The following FAT3 variants were observed in gnomAD, a reference collection of about 807,000 sequenced individuals.
FAT3 encodes FAT atypical cadherin 3, also known as protocadherin Fat 3.
Under a neutral mutation model 310.2 loss-of-function variants are expected in FAT3, and 95 were observed. That is an observed-to-expected ratio of 0.31 (90% CI 0.26 to 0.36). The LOEUF (loss-of-function observed/expected upper bound fraction) is 0.36. Among genes scored for constraint, FAT3 ranks in the 10% least tolerant of loss-of-function variants. The probability of loss-of-function intolerance (pLI) is 1.00; values close to 1 mark genes in which losing one functional copy is unlikely to be tolerated. For missense variants in FAT3, 5,408 were observed against 5,715.6 expected (o/e 0.95, Z 1.74); for synonymous variants, 2,314 against 2,192.9 (o/e 1.06, Z -1.54).
At chr11:92,805,091 A>T (rs1591759048) in intron 10 of FAT3, 62 bp from the exon 11 acceptor site, 1 of 1,527,210 alleles carries the variant, frequency 6.5e-7, no homozygotes, top group Non-Finnish European at 8.9e-7. Context: ...CTCTCAAGGT[A>T]GATGTAGATT....
At chr11:92,420,481 A>C (rs944227393) in intron 2 of FAT3, among the ~76,000 whole-genome samples, 11 of 152,144 alleles carry the variant, frequency 7.2e-5, no homozygotes, top group Admixed American at 6.6e-4. Flanking sequence ...CTCCCACTCA[A>C]CTTAGTATCG....
At position 92,764,887 on chromosome 11, in the gene FAT3, A is replaced by C; in HGVS notation, c.3993A>C (p.Ala1331=). Residue 1331 remains alanine, a synonymous_variant, in exon 6 of 28, where the codon GCA becomes GCC. Coordinates refer to ENST00000525166, the MANE Select transcript of FAT3 (RefSeq NM_001367949.2). The part of the protein sequence containing the change: ...AGSYDILTIK[A]VDNGRPQKSS... Reference sequence around the variant, plus strand: ...TCTCCCTGTGTGAGTAGATAAAGGCAGTGGACAATGGGCGCCCACAGAAAT... The same window carrying C: ...TCTCCCTGTGTGAGTAGATAAAGGCCGTGGACAATGGGCGCCCACAGAAAT... The C allele has an allele frequency of 1.9e-6, 3 of 1,613,586 alleles. No individual in the cohort carries two copies. Among genetic ancestry groups the C allele is most frequent in the Non-Finnish European group, 2.5e-6 (3 of 1,179,634 alleles).
At chr11:92,862,202 A>G (rs2136334317) in intron 21 of FAT3, among the ~76,000 whole-genome samples, 1 of 152,342 alleles carries the variant, frequency 6.6e-6, no homozygotes, top group East Asian at 1.9e-4. Flanking sequence ...GAGGTGAACT[A>G]CTTCAGTAGA....
chr11:92,883,481 G>T lies in FAT3; in HGVS notation c.12937+88G>T. On this transcript the variant is annotated intron_variant, in intron 24 of 27. Transcript: ENST00000525166. This position sits in a 1 kb window ranked among gnomAD's most constrained non-coding sequence, Gnocchi z 4.2. ...CGAGGACGCTACGGGAAGGGAGAGA[G>T]ACCCCGCATGCAGAGCATTCGCTAT... The T allele has an allele frequency of 6.8e-7, 1 of 1,465,000 alleles. No homozygotes were observed. Among genetic ancestry groups the T allele is most frequent in the East Asian group, 2.4e-5 (1 of 42,084 alleles). The allele number at this position is 1,465,000 out of a possible 1,614,324, so 90.8% of individuals were successfully genotyped here. A position where few individuals can be genotyped will look rare whatever the true frequency, so the allele number is the denominator to read the frequency against.
chr11:92,518,728 T>A (rs1461635926), intron 2 of FAT3, among the ~76,000 whole-genome samples: 1 of 152,018 alleles, frequency 6.6e-6, no homozygotes, highest in African/African-American at 2.4e-5. Context: ...AAGATTAACA[T>A]ACAAAAATCA....
At chr11:92,433,678 G>A (rs146625097) in intron 2 of FAT3, among the ~76,000 whole-genome samples, 4,651 of 152,092 alleles carry the variant, frequency 0.031, 250 homozygotes, top group African/African-American at 0.1. Context: ...GTTCTTATTC[G>A]GCCATCTTGC....
At chr11:92,427,558 A>G (rs577423398) in intron 2 of FAT3, among the ~76,000 whole-genome samples, 1 of 152,218 alleles carries the variant, frequency 6.6e-6, no homozygotes, top group African/African-American at 2.4e-5. Context: ...TACCTAGTCT[A>G]TTGAGAGTTT....
At chr11:92,226,547 A>G (rs1297336438) in intron 1 of FAT3, among the ~76,000 whole-genome samples, 1 of 151,482 alleles carries the variant, frequency 6.6e-6, no homozygotes, top group African/African-American at 2.4e-5. Context: ...TGACATCCTG[A>G]GGCTGCAGCT....
chr11:92,589,079 A>G (rs1258068029), intron 3 of FAT3, among the ~76,000 whole-genome samples: 1 of 152,008 alleles, frequency 6.6e-6, no homozygotes. Context: ...GAGCCCCACT[A>G]TCTCACTGGG....
chr11:92,400,138 T>G (rs957488283), intron 2 of FAT3: 2 of 152,198 alleles, frequency 1.3e-5, no homozygotes, highest in Non-Finnish European at 2.9e-5. Flanking sequence ...CCTGTGTTAG[T>G]ATTTTTATCT....
At chr11:92,720,354 A>G (rs1944826301) in intron 4 of FAT3, among the ~76,000 whole-genome samples, 1 of 152,216 alleles carries the variant, frequency 6.6e-6, no homozygotes, top group Non-Finnish European at 1.5e-5. Context: ...AGTCATTGCT[A>G]ATACCATTGC....
At chr11:92,770,973 C>T (rs1946441823) in intron 6 of FAT3, among the ~76,000 whole-genome samples, 2 of 152,182 alleles carry the variant, frequency 1.3e-5, no homozygotes, top group African/African-American at 4.8e-5. Flanking sequence ...CTCTATTACA[C>T]CTGTCTTGAC....
At chr11:92,602,117 A>G (rs1206868570) in intron 3 of FAT3, among the ~76,000 whole-genome samples, 1 of 151,694 alleles carries the variant, frequency 6.6e-6, no homozygotes, top group Non-Finnish European at 1.5e-5. Flanking sequence ...CTTGTCATCC[A>G]GGCCAGAGTG....
At chr11:92,403,711 C>T (rs1252844074) in intron 2 of FAT3, among the ~76,000 whole-genome samples, 1 of 152,062 alleles carries the variant, frequency 6.6e-6, no homozygotes, top group African/African-American at 2.4e-5. Context: ...GCTCCATCAG[C>T]AGAGAAAAGT....
At chr11:92,427,705 C>T (rs1408799106) in intron 2 of FAT3, among the ~76,000 whole-genome samples, 4 of 152,242 alleles carry the variant, frequency 2.6e-5, no homozygotes, top group Middle Eastern at 3.4e-3. Context: ...AGCCTTGCAT[C>T]CCAGGGATGA....
intron 3 of FAT3, among the ~76,000 whole-genome samples, chr11:92,614,519 G>T (rs976402088): frequency 6.6e-6 from 1 of 152,052 alleles, no homozygotes; most frequent in Admixed American, 6.6e-5. Context: ...ATCTTTTCAT[G>T]TGCTATTCAC....
At position 92,866,894 on chromosome 11, in the gene FAT3, G is replaced by A. The variant is rs1053068067; in HGVS notation, c.11812G>A (p.Val3938Met). Residue 3938 changes from valine (V) to methionine (M), a missense_variant, in exon 22 of 28, where the codon GTG becomes ATG. Coordinates refer to ENST00000525166, the MANE Select transcript of FAT3 (RefSeq NM_001367949.2). ...FTSLSLDDSY[V>M]ERRRAPLYFQ... is the part of the protein sequence containing the mutation. Reference sequence around the variant, plus strand: ...GAGCCTGTCCCTGGATGACAGCTACGTGGAGCGGCGCCGGGCGCCCCTCTA... The same window carrying A: ...GAGCCTGTCCCTGGATGACAGCTACATGGAGCGGCGCCGGGCGCCCCTCTA... 3.1e-6 allele frequency: 5 copies of A among 1,613,896 alleles called. No individual in the cohort carries two copies. Among genetic ancestry groups the A allele is most frequent in the Non-Finnish European group, 4.2e-6 (5 of 1,179,904 alleles).
At chr11:92,743,461 G>A (rs954128152) in intron 4 of FAT3, among the ~76,000 whole-genome samples, 2 of 152,210 alleles carry the variant, frequency 1.3e-5, no homozygotes, top group African/African-American at 2.4e-5. Context: ...GACACCAAGG[G>A]TAGAGAAGGG....
intron 22 of FAT3, among the ~76,000 whole-genome samples, chr11:92,873,203 A>T (rs1949435351): frequency 6.6e-6 from 1 of 152,178 alleles, no homozygotes; most frequent in Non-Finnish European, 1.5e-5. Flanking sequence ...TATCAGATAA[A>T]ATAAGGAAGT....
Sources: allele counts gnomAD v4.1 joint callset (sites outside exome capture counted in the v4.1 genomes callset), GRCh38; gene constraint gnomAD v4.1.1; non-coding constraint Gnocchi (gnomAD v3.1); transcripts MANE v1.5; gene names NCBI Gene and HGNC (gene_info 2026-07-23, HGNC 2026-07-21).